The following IDE variants were observed in gnomAD, a reference collection of about 807,000 sequenced individuals.
IDE encodes insulin-degrading enzyme.
IDE carries 58 observed loss-of-function variants against 133.2 expected under a neutral mutation model. The observed-to-expected ratio is 0.44, with a 90% CI of 0.35 to 0.54. The LOEUF (loss-of-function observed/expected upper bound fraction) is 0.54, where lower values mean the gene tolerates loss of function less well. Among genes scored for constraint, IDE ranks in the 20% least tolerant of loss-of-function variants. The probability of loss-of-function intolerance (pLI) is 0.00; values close to 1 mark genes in which losing one functional copy is unlikely to be tolerated. For missense variants in IDE, 981 were observed against 1,234.0 expected (o/e 0.79, Z 3.07); for synonymous variants, 396 against 421.3 (o/e 0.94, Z 0.73).
intron 4 of IDE, among the ~76,000 whole-genome samples, chr10:92,521,824 A>G (rs1280401936): frequency 6.6e-6 from 1 of 152,162 alleles, no homozygotes; most frequent in Non-Finnish European, 1.5e-5. Context: ...CACTAACTGG[A>G]TATTTGATAA....
intron 5 of IDE, among the ~76,000 whole-genome samples, chr10:92,511,465 T>C (rs1848625147): frequency 6.6e-6 from 1 of 152,140 alleles, no homozygotes; most frequent in South Asian, 2.1e-4. Context: ...CAAAAATAGG[T>C]TATTTATAAA....
At chr10:92,555,428 C>T (rs1392132267) in intron 1 of IDE, among the ~76,000 whole-genome samples, 7 of 147,090 alleles carry the variant, frequency 4.8e-5, no homozygotes, top group Non-Finnish European at 8.9e-5. Context: ...ACCCAGGAGG[C>T]GGAGGTTGCG....
At chr10:92,513,072 G>T (rs929827200) in intron 5 of IDE, among the ~76,000 whole-genome samples, 1 of 152,242 alleles carries the variant, frequency 6.6e-6, no homozygotes, top group Admixed American at 6.5e-5. Context: ...AAGCCAGGTT[G>T]TTGGACTGTA....
chr10:92,525,874 A>C (rs1849598696), intron 4 of IDE, among the ~76,000 whole-genome samples: 1 of 152,034 alleles, frequency 6.6e-6, no homozygotes, highest in African/African-American at 2.4e-5. Flanking sequence ...AAAAGATCTC[A>C]GGCTGGGCGC....
intron 13 of IDE, 56 bp downstream of exon 13, chr10:92,487,139 TC>T (rs1430276020): frequency 4.0e-6 from 6 of 1,517,816 alleles, no homozygotes; most frequent in Non-Finnish European, 4.5e-6. Flanking sequence ...ATTTACCCAG[TC>T]CCCCATGTAT....
At chr10:92,455,679 A>T in intron 23 of IDE, 36 bp from the exon 24 acceptor site, 1 of 1,134,198 alleles carries the variant, frequency 8.8e-7, no homozygotes, top group African/African-American at 1.6e-5. Flanking sequence ...CTTTGTACTT[A>T]TTGATACTAT....
rs1051045042 is a variant in IDE at position 92,485,398 on chromosome 10, C to T, written c.1656+1798G>A. 5.9e-5 allele frequency among the ~76,000 whole-genome samples: 9 copies of T among 152,148 alleles called. No individual in the cohort carries two copies. In the East Asian group the frequency reaches 1.5e-3, roughly 26 times the overall value. On this transcript the variant is annotated intron_variant, in intron 13 of 24. Transcript: ENST00000265986. ...CCTCCCAAAGTGCTGGGATTACAGG[C>T]GTGAGCCACTGCATCTGGCCTAACT... is the stretch of plus-strand genomic sequence containing the variant.
chr10:92,566,192 C>CAA (rs5787005), intron 1 of IDE, among the ~76,000 whole-genome samples: 7 of 126,948 alleles, frequency 5.5e-5, no homozygotes, highest in East Asian at 2.7e-4. Flanking sequence ...CCTGTCTCTA[C>CAA]AAAAAAAAAA....
intron 17 of IDE, 45 bp from the exon 18 acceptor site, chr10:92,470,390 T>C (rs767192589): frequency 9.1e-6 from 12 of 1,315,026 alleles, no homozygotes; most frequent in African/African-American, 5.9e-5. Context: ...CTATGAGGGA[T>C]TTTTTGTTTG....
At chr10:92,532,311 T>A (rs111387673) in intron 3 of IDE, among the ~76,000 whole-genome samples, 67 of 151,622 alleles carry the variant, frequency 4.4e-4, no homozygotes, top group African/African-American at 1.6e-3. Context: ...CAGGTCATAG[T>A]TTTTAGGCCA....
At chr10:92,466,122 T>C (rs535247485) in intron 19 of IDE, among the ~76,000 whole-genome samples, 1 of 151,464 alleles carries the variant, frequency 6.6e-6, no homozygotes, top group South Asian at 2.1e-4. Context: ...TCCCAGCTAC[T>C]TGGGAGGCTG....
intron 1 of IDE, among the ~76,000 whole-genome samples, chr10:92,560,038 G>A (rs961229578): frequency 4.6e-5 from 7 of 152,174 alleles, no homozygotes; most frequent in South Asian, 2.1e-4. Flanking sequence ...TTGTTTAAGG[G>A]AAAGAGTTAA....
chr10:92,512,149 G>C (rs1047118835), intron 5 of IDE, among the ~76,000 whole-genome samples: 1 of 152,186 alleles, frequency 6.6e-6, no homozygotes, highest in African/African-American at 2.4e-5. Context: ...CAAGTGTTCA[G>C]ATAATTAGTG....
chr10:92,513,069 G>T (rs560510940), intron 5 of IDE, among the ~76,000 whole-genome samples: 2 of 152,322 alleles, frequency 1.3e-5, no homozygotes, highest in Admixed American at 1.3e-4. Context: ...GAAAAGCCAG[G>T]TTGTTGGACT....
chr10:92,493,216 G>A (rs774207053), intron 11 of IDE, among the ~76,000 whole-genome samples: 1 of 152,046 alleles, frequency 6.6e-6, no homozygotes, highest in Admixed American at 6.6e-5. Flanking sequence ...TCTCTTAAGG[G>A]CATTCAATAC....
intron 12 of IDE, among the ~76,000 whole-genome samples, chr10:92,489,491 G>A (rs988457179): frequency 6.6e-5 from 10 of 151,896 alleles, no homozygotes; most frequent in Non-Finnish European, 8.8e-5. Flanking sequence ...TTATGCCACT[G>A]TACTCCAGCA....
At position 92,546,722 on chromosome 10, in the gene IDE, C is replaced by G. The variant is rs531374379; in HGVS notation, c.99-9172G>C. Among the ~76,000 whole-genome samples the G allele has an allele frequency of 1.9e-3, 284 of 152,304 alleles. 1 individual carries two copies. Among genetic ancestry groups the G allele is most frequent in the African/African-American group, 6.5e-3 (272 of 41,568 alleles). On this transcript the variant is annotated intron_variant, in intron 1 of 24. Transcript: ENST00000265986. ...GTATGCTAAATCTTTTAACTCAGGA[C>G]TTTACTCATTACATATTATTTGAAA...
chr10:92,465,839 T>A lies in IDE; in HGVS notation c.2325A>T (p.Gly775=). The change falls in exon 20 of 25, where the codon GGA becomes GGT. Residue 775 remains glycine (G), a synonymous_variant. Transcript: ENST00000265986. ...RYREVQLPDR[G]WFVYQQRNEV... is the part of the protein sequence containing the mutation. ...CATTTCTCTGCTGATAAACAAACCA[T>A]CCTCCTAGGAAGTTTCAAAAAGACA... 6.2e-7 allele frequency: 1 copy of A among 1,613,836 alleles called. No homozygotes were observed. Among genetic ancestry groups the A allele is most frequent in the Non-Finnish European group, 8.5e-7 (1 of 1,179,908 alleles).
intron 24 of IDE, 114 bp downstream of exon 24, chr10:92,455,462 C>T (rs1844942908): frequency 1.5e-6 from 1 of 679,736 alleles, no homozygotes; most frequent in Non-Finnish European, 2.7e-6. Context: ...GCCTGGGTGA[C>T]TGAGTGAGAC....
Sources: gnomAD v4.1 joint callset for allele counts (sites outside exome capture counted in the v4.1 genomes callset) on GRCh38, gnomAD v4.1.1 for gene constraint, MANE v1.5 for transcripts, NCBI Gene and HGNC (gene_info 2026-07-23, HGNC 2026-07-21) for gene names.